MPDZ: variants seen among roughly 807,000 people sequenced by gnomAD.
MPDZ encodes the protein multiple PDZ domain protein.
A neutral mutation model predicts 239.1 loss-of-function variants in MPDZ; 234 were observed. The observed-to-expected ratio is 0.98, with a 90% CI of 0.88 to 1.09. The LOEUF is 1.09. Among genes scored for constraint, MPDZ ranks in the 50% least tolerant of loss-of-function variants. The pLI is 0.00. For synonymous variants in MPDZ, 1,048 were observed against 881.3 expected (o/e 1.19, Z -3.35); for missense variants, 3,175 against 2,510.0 (o/e 1.26, Z -5.66).
At chr9:13,224,651 A>C (rs1959958909) in intron 3 of MPDZ, 68 bp from the exon 4 acceptor site, 1 of 1,058,606 alleles carries the variant, frequency 9.4e-7, no homozygotes, top group Non-Finnish European at 1.4e-6. Context: ...AAATATCCCA[A>C]GGGTACAAGG....
At chr9:13,250,256 A>T in intron 2 of MPDZ, 44 bp downstream of exon 2, 5 of 1,562,502 alleles carry the variant, frequency 3.2e-6, no homozygotes, top group Non-Finnish European at 4.4e-6. Flanking sequence ...CAATGGGAGG[A>T]GTTACAATTC....
chr9:13,140,018 C>G lies in MPDZ; in HGVS notation c.3972G>C (p.Val1324=). The change falls in exon 28 of 47, where the codon GTG becomes GTC. Residue 1324 remains valine (V), a synonymous_variant. Transcript: ENST00000319217. ...QSSASKISQD[V]DKEDEFGYSW... ...TGTAACCAAACTCATCCTCTTTGTC[C>G]ACATCTTGTGAGATTTTGCTTGCAG... 17 of 1,613,268 alleles carry G rather than the reference C, an allele frequency of 1.1e-5. No individual in the cohort carries two copies. The highest frequency in any genetic ancestry group is 1.4e-5 in the Non-Finnish European group (17 of 1,179,632).
intron 10 of MPDZ, among the ~76,000 whole-genome samples, chr9:13,209,571 G>A (rs556068750): frequency 5.2e-4 from 79 of 152,276 alleles, no homozygotes; most frequent in Non-Finnish European, 9.9e-4. Flanking sequence ...CAAGGGTCAT[G>A]GAATGTGAAA....
intron 27 of MPDZ, among the ~76,000 whole-genome samples, chr9:13,141,107 A>C (rs1947604658): frequency 6.6e-6 from 1 of 152,106 alleles, no homozygotes; most frequent in Non-Finnish European, 1.5e-5. Context: ...GAAAAAAAAA[A>C]AAAAAAGTAC....
chr9:13,210,892 A>T (rs1421727850), intron 10 of MPDZ, among the ~76,000 whole-genome samples: 1 of 152,146 alleles, frequency 6.6e-6, no homozygotes, highest in Non-Finnish European at 1.5e-5. Flanking sequence ...GTCAGTTCTG[A>T]ACATCTGCCA....
intron 22 of MPDZ, among the ~76,000 whole-genome samples, chr9:13,167,314 CAA>C (rs945987093): frequency 6.6e-6 from 1 of 151,886 alleles, no homozygotes; most frequent in African/African-American, 2.4e-5. Flanking sequence ...CAACTGTAAA[CAA>C]AAGTCAAAAA....
At chr9:13,148,931 T>C (rs1405027043) in intron 25 of MPDZ, among the ~76,000 whole-genome samples, 1 of 152,006 alleles carries the variant, frequency 6.6e-6, no homozygotes, top group Non-Finnish European at 1.5e-5. Context: ...ACTTTAACTT[T>C]TTAAATATAT....
intron 3 of MPDZ, among the ~76,000 whole-genome samples, chr9:13,229,995 G>C (rs1303140187): frequency 6.6e-6 from 1 of 151,564 alleles, no homozygotes; most frequent in Non-Finnish European, 1.5e-5. Context: ...AAATTCAATA[G>C]TAAAAAAAAT....
chr9:13,164,002 C>T (rs1950763439), intron 22 of MPDZ, among the ~76,000 whole-genome samples: 1 of 152,114 alleles, frequency 6.6e-6, no homozygotes, highest in African/African-American at 2.4e-5. Context: ...ACTGCTGAAC[C>T]TCCATACCCT....
At chr9:13,186,218 G>A (rs1587624153) in intron 18 of MPDZ, 52 bp downstream of exon 18, 15 of 1,004,528 alleles carry the variant, frequency 1.5e-5, no homozygotes, top group Non-Finnish European at 1.8e-5. Context: ...GAAAGGCAAA[G>A]TAAGACATAT....
chr9:13,118,248 T>G (rs369708456), intron 39 of MPDZ, among the ~76,000 whole-genome samples: 2 of 152,246 alleles, frequency 1.3e-5, no homozygotes, highest in African/African-American at 2.4e-5. Flanking sequence ...AGATAACAAT[T>G]GTTTTTAATG....
chr9:13,186,906 C>T (rs1464646598), intron 17 of MPDZ, among the ~76,000 whole-genome samples: 2 of 152,040 alleles, frequency 1.3e-5, no homozygotes, highest in East Asian at 1.9e-4. Flanking sequence ...GTGAACTCTA[C>T]GGGAATTCAA....
chr9:13,165,472 G>A, intron 22 of MPDZ: 1 of 1,538,316 alleles, frequency 6.5e-7, no homozygotes. Flanking sequence ...TCAATGTCTT[G>A]TGCTGAATGT....
At chr9:13,142,153 T>C (rs1378250258) in intron 27 of MPDZ, among the ~76,000 whole-genome samples, 1 of 152,138 alleles carries the variant, frequency 6.6e-6, no homozygotes, top group Non-Finnish European at 1.5e-5. Context: ...AATTTAAACT[T>C]CTCATAATTT....
intron 1 of MPDZ, among the ~76,000 whole-genome samples, chr9:13,275,847 C>T (rs1974064281): frequency 2.0e-5 from 3 of 152,142 alleles, no homozygotes; most frequent in Admixed American, 6.5e-5. Flanking sequence ...CTCTCCAGTA[C>T]CCACTGCCCA....
At chr9:13,207,507 C>A (rs939629490) in intron 10 of MPDZ, among the ~76,000 whole-genome samples, 1 of 152,182 alleles carries the variant, frequency 6.6e-6, no homozygotes, top group African/African-American at 2.4e-5. Context: ...TCAGCCTGGA[C>A]TCTCTGGATA....
In MPDZ at chr9:13,247,749, T is replaced by C. The variant is rs769854230; in HGVS notation, c.69A>G (p.Glu23=). The part of the protein sequence containing the change: ...AAERLQTKLR[E]RGDVANEDKL... The stretch of plus-strand genomic sequence containing the variant: ...TGTCTTCATTTGCTACATCCCCACG[T>C]TCTCGCAGCTTGGTTTGCAAGCGCT... The change falls in exon 3 of 47, where the codon GAA becomes GAG. Residue 23 remains glutamate (E), a synonymous_variant. Transcript: ENST00000319217. The C allele has an allele frequency of 6.2e-7, 1 of 1,612,846 alleles. No homozygotes were observed. Among genetic ancestry groups the C allele is most frequent in the Admixed American group, 1.7e-5 (1 of 60,002 alleles).
chr9:13,252,433 G>T (rs1302755489), intron 1 of MPDZ, among the ~76,000 whole-genome samples: 3 of 150,940 alleles, frequency 2.0e-5, no homozygotes, highest in Admixed American at 6.6e-5. Flanking sequence ...GGGTGTGGTG[G>T]AACCAGCCTA....
chr9:13,243,163 T>C (rs1341446606), intron 3 of MPDZ, among the ~76,000 whole-genome samples: 1 of 152,208 alleles, frequency 6.6e-6, no homozygotes, highest in Non-Finnish European at 1.5e-5. Context: ...GTTTTCTTTC[T>C]GTTCTATTTT....
Sources: allele counts gnomAD v4.1 joint callset (sites outside exome capture counted in the v4.1 genomes callset), GRCh38; gene constraint gnomAD v4.1.1; transcripts MANE v1.5; gene names NCBI Gene and HGNC (gene_info 2026-07-23, HGNC 2026-07-21).